Variants in PCDHGB2 observed in about 807,000 individuals in gnomAD.
PCDHGB2 encodes the protein protocadherin gamma-B2.
A neutral mutation model predicts 59.3 loss-of-function variants in PCDHGB2; 55 were observed. That is an observed-to-expected ratio of 0.93 (90% CI 0.75 to 1.16). PCDHGB2 has a LOEUF of 1.16. Among genes scored for constraint, PCDHGB2 ranks in the 50% most tolerant of loss-of-function variants. The probability of loss-of-function intolerance (pLI) is 0.00; values close to 1 mark genes in which losing one functional copy is unlikely to be tolerated. For synonymous variants in PCDHGB2, 516 were observed against 512.0 expected (o/e 1.01, Z -0.11); for missense variants, 1,228 against 1,198.5 (o/e 1.02, Z -0.36).
intron 1 of PCDHGB2, chr5:141,395,524 T>G (rs1312171320): frequency 5.1e-6 from 2 of 392,258 alleles, no homozygotes; most frequent in Non-Finnish European, 9.1e-6. Flanking sequence ...CCGTCCATAC[T>G]GGTAATTTTG....
intron 1 of PCDHGB2, chr5:141,403,819 T>A (rs1264553327): frequency 1.2e-6 from 2 of 1,613,784 alleles, no homozygotes; most frequent in Admixed American, 3.3e-5. Flanking sequence ...AAAAACAATC[T>A]CTGCTATTCC....
At chr5:141,408,819 G>A in intron 1 of PCDHGB2, 1 of 1,613,520 alleles carries the variant, frequency 6.2e-7, no homozygotes, top group Non-Finnish European at 8.5e-7. Context: ...GAAGAACAGA[G>A]ATCTCATAGC....
At chr5:141,402,912 G>T (rs373067478) in intron 1 of PCDHGB2, 319 of 1,553,994 alleles carry the variant, frequency 2.1e-4, no homozygotes, top group East Asian at 2.5e-4. Flanking sequence ...GAAGCAGCGC[G>T]CACAGAGATC....
chr5:141,460,983 G>GTGTATA (rs1554142949), intron 1 of PCDHGB2, among the ~76,000 whole-genome samples: 24 of 137,844 alleles, frequency 1.7e-4, no homozygotes, highest in African/African-American at 5.4e-4. Context: ...GTGTGTGTGT[G>GTGTATA]TATATATATA....
In PCDHGB2 at chr5:141,374,803, A is replaced by G. The variant is rs371815306; in HGVS notation, c.2421+12247A>G. The G allele has an allele frequency of 9.7e-5, 157 of 1,613,866 alleles. 1 individual carries two copies. Among genetic ancestry groups the G allele is most frequent in the Middle Eastern group, 1.6e-4 (1 of 6,084 alleles). On this transcript the variant is annotated intron_variant, in intron 1 of 3. Coordinates refer to ENST00000522605, the MANE Select transcript of PCDHGB2 (RefSeq NM_018923.3). ...TTCTAGATGTGAATGACAACACTCC[A>G]ATGTTTACTCAGCCTGTCTACCGTG...
At chr5:141,423,940 G>T in intron 1 of PCDHGB2, 1 of 1,217,216 alleles carries the variant, frequency 8.2e-7, no homozygotes, top group Non-Finnish European at 1.0e-6. Context: ...TTTGAAGTAA[G>T]TTGAATTTTA....
chr5:141,475,300 T>C (rs1383092136), intron 1 of PCDHGB2, among the ~76,000 whole-genome samples: 3 of 152,332 alleles, frequency 2.0e-5, no homozygotes, highest in South Asian at 2.1e-4. Context: ...AATTTCTTAT[T>C]GCTCCCTGGT....
intron 1 of PCDHGB2, chr5:141,394,087 C>G (rs2092917292): frequency 6.2e-7 from 1 of 1,613,770 alleles, no homozygotes; most frequent in Admixed American, 1.7e-5. Flanking sequence ...GTGATGGCCT[C>G]AGATCTAGGA....
At chr5:141,385,015 G>C in intron 1 of PCDHGB2, 2 of 1,614,018 alleles carry the variant, frequency 1.2e-6, no homozygotes, top group South Asian at 2.2e-5. Context: ...CGTCTTCCTA[G>C]CCTTCGTCCT....
intron 1 of PCDHGB2, chr5:141,422,099 A>C (rs374091819): frequency 6.2e-7 from 1 of 1,609,706 alleles, no homozygotes; most frequent in Non-Finnish European, 8.5e-7. Context: ...AAGGCTTCTG[A>C]AATATTCCAA....
At position 141,489,586 on chromosome 5, in the gene PCDHGB2, C is replaced by T; in HGVS notation, c.2422-5221C>T. 1 of 1,614,082 alleles carries T rather than the reference C, an allele frequency of 6.2e-7. No individual in the cohort carries two copies. The highest frequency in any genetic ancestry group is 8.5e-7 in the Non-Finnish European group (1 of 1,179,988). On this transcript the variant is annotated intron_variant, in intron 1 of 3. Coordinates refer to ENST00000522605, the MANE Select transcript of PCDHGB2 (RefSeq NM_018923.3). This position sits in a 1 kb window ranked among gnomAD's most constrained non-coding sequence, Gnocchi z 4.5. ...GGTGGTGACTGAACACCCCCTGGAG[C>T]TAATCCGTGTAGAGGTAGAGATCCT...
At position 141,478,736 on chromosome 5, in the gene PCDHGB2, T is replaced by G; in HGVS notation, c.2422-16071T>G. On this transcript the variant is annotated intron_variant, in intron 1 of 3. Coordinates refer to ENST00000522605, the MANE Select transcript of PCDHGB2 (RefSeq NM_018923.3). Reference sequence around the variant, plus strand: ...TGGTGGCCTGCCAGAGTGTGGTTTGTGGTCCCATTTCAGGGGGAAGATACT... The same window carrying G: ...TGGTGGCCTGCCAGAGTGTGGTTTGGGGTCCCATTTCAGGGGGAAGATACT... 5 of 1,534,796 alleles carry G rather than the reference T, an allele frequency of 3.3e-6. No homozygotes were observed. In the South Asian group the frequency reaches 6.2e-5, roughly 19 times the overall value.
chr5:141,399,472 C>T lies in PCDHGB2; in HGVS notation c.2421+36916C>T, dbSNP rs763239278. On this transcript the variant is annotated intron_variant, in intron 1 of 3. Transcript: ENST00000522605. ...CGTCAACGATAACGCTCCGGTTTTCCACCAGGCGTCCTACTTAGTCAGTGT... is the reference window on the plus strand; with the variant it reads ...CGTCAACGATAACGCTCCGGTTTTCTACCAGGCGTCCTACTTAGTCAGTGT... 29 of 1,613,908 alleles carry T rather than the reference C, an allele frequency of 1.8e-5. No individual in the cohort carries two copies. The South Asian group carries it at 2.9e-4, about 16-fold the overall frequency.
intron 1 of PCDHGB2, chr5:141,375,120 A>G (rs2150053387): frequency 6.2e-7 from 1 of 1,613,952 alleles, no homozygotes; most frequent in South Asian, 1.1e-5. Flanking sequence ...AATGTACCAG[A>G]AGTGGTTGTT....
intron 1 of PCDHGB2, chr5:141,405,524 A>T (rs1430059160): frequency 7.4e-6 from 5 of 677,158 alleles, no homozygotes; most frequent in Non-Finnish European, 1.2e-5. Context: ...AATTCAAGCG[A>T]TTCTCCTGCC....
chr5:141,422,077 A>C (rs2096622436), intron 1 of PCDHGB2: 1 of 1,612,340 alleles, frequency 6.2e-7, no homozygotes, highest in Admixed American at 1.7e-5. Flanking sequence ...TTCATTTCGG[A>C]ACATGGAAAG....
chr5:141,501,290 T>TACACAC lies in PCDHGB2; in HGVS notation c.2481-4064_2481-4059dup, dbSNP rs55762287. Among the ~76,000 whole-genome samples the TACACAC allele has an allele frequency of 5.7e-3, 774 of 136,224 alleles. 5 individuals are homozygous for TACACAC. The highest frequency in any genetic ancestry group is 9.9e-3 in the African/African-American group (361 of 36,504). The allele number at this position is 136,224 out of a possible 152,430, so 89.4% of individuals were successfully genotyped here. A position where few individuals can be genotyped will look rare whatever the true frequency, so the allele number is the denominator to read the frequency against. ...GTCCAGTCTATGGGATATTCCCTTA[T>TACACAC]ACACACACACACACACACACACACA... On this transcript the variant is annotated intron_variant, in intron 2 of 3. Transcript: ENST00000522605.
chr5:141,379,052 T>A (rs1247302234), intron 1 of PCDHGB2: 1 of 152,238 alleles, frequency 6.6e-6, no homozygotes. Flanking sequence ...TATTATAGAA[T>A]GGATTGGCCA....
chr5:141,428,007 A>G, intron 1 of PCDHGB2: 1 of 1,602,018 alleles, frequency 6.2e-7, no homozygotes, highest in Non-Finnish European at 8.5e-7. Flanking sequence ...ACTCTTCGAT[A>G]TAGTGCCACG....
Sources: allele counts gnomAD v4.1 joint callset (sites outside exome capture counted in the v4.1 genomes callset), GRCh38; gene constraint gnomAD v4.1.1; non-coding constraint Gnocchi (gnomAD v3.1); transcripts MANE v1.5; gene names NCBI Gene and HGNC (gene_info 2026-07-23, HGNC 2026-07-21).